The following PLCG2 variants were observed in gnomAD, a reference collection of about 807,000 sequenced individuals.
The protein encoded by PLCG2 is phospholipase C gamma 2, also known as 1-phosphatidylinositol 4,5-bisphosphate phosphodiesterase gamma-2.
A neutral mutation model predicts 175.6 loss-of-function variants in PLCG2; 69 were observed. The ratio of observed to expected loss-of-function variants is 0.39; its 90% CI spans 0.32 to 0.48. PLCG2 has a LOEUF of 0.48. PLCG2 is among the 20% of genes least tolerant of loss of function. PLCG2 has a pLI of 0.91. For missense variants in PLCG2, 1,798 were observed against 1,650.9 expected (o/e 1.09, Z -1.54); for synonymous variants, 827 against 624.0 (o/e 1.33, Z -4.85).
At chr16:81,910,800 AG>A in intron 18 of PLCG2, 80 bp downstream of exon 18, 8 of 1,331,176 alleles carry the variant, frequency 6.0e-6, no homozygotes, top group Non-Finnish European at 7.5e-6. Flanking sequence ...CTGGTGGTTC[AG>A]CCGGGCCAGT....
chr16:81,907,759 G>A lies in PLCG2; in HGVS notation c.1542G>A (p.Glu514=). Reference sequence around the variant, plus strand: ...GTGATGACATTGAACAGACTATGGAGGAGGAAGTGCCCCAGGTAGGGGGAC... The same window carrying A: ...GTGATGACATTGAACAGACTATGGAAGAGGAAGTGCCCCAGGTAGGGGGAC... ...SFSDDIEQTM[E]EEVPQDIPPT... The change falls in exon 16 of 33, where the codon GAG becomes GAA. Residue 514 remains glutamate (E), a synonymous_variant. Coordinates refer to ENST00000564138, the MANE Select transcript of PLCG2 (RefSeq NM_002661.5). The A allele has an allele frequency of 6.2e-7, 1 of 1,613,274 alleles. No homozygotes were observed. Among genetic ancestry groups the A allele is most frequent in the African/African-American group, 1.3e-5 (1 of 75,056 alleles).
chr16:81,947,308 C>G (rs1296148990), intron 31 of PLCG2, among the ~76,000 whole-genome samples: 5 of 152,166 alleles, frequency 3.3e-5, no homozygotes, highest in Admixed American at 1.3e-4. Context: ...TCGACGCTCA[C>G]AAATCTGCTT....
At chr16:81,785,766 A>T in intron 1 of PLCG2, 177 bp from the exon 2 acceptor site, 1 of 489,334 alleles carries the variant, frequency 2.0e-6, no homozygotes, top group East Asian at 3.7e-5. Flanking sequence ...TTCCATTTAA[A>T]CCTTTGTGTC....
chr16:81,875,845 G>A (rs764894079), intron 7 of PLCG2, among the ~76,000 whole-genome samples: 12 of 152,074 alleles, frequency 7.9e-5, no homozygotes, highest in Non-Finnish European at 1.6e-4. Context: ...TTATTCTGCC[G>A]GATTTTACAT....
chr16:81,857,363 C>T (rs1008046428), intron 3 of PLCG2, among the ~76,000 whole-genome samples: 1 of 152,186 alleles, frequency 6.6e-6, no homozygotes, highest in African/African-American at 2.4e-5. Context: ...AGTGTGCTGC[C>T]AGGGTAAGAT....
intron 2 of PLCG2, among the ~76,000 whole-genome samples, chr16:81,759,893 G>A (rs1048555772): frequency 7.2e-5 from 11 of 152,328 alleles, no homozygotes; most frequent in Admixed American, 6.5e-4. Context: ...TTGGGAGGCC[G>A]AGGCGGGCAG....
At chr16:81,874,948 G>GTGTT (rs1907695183) in intron 7 of PLCG2, among the ~76,000 whole-genome samples, 5 of 40,770 alleles carry the variant, frequency 1.2e-4, no homozygotes, top group African/African-American at 3.9e-4. Context: ...TATCCTATGT[G>GTGTT]TTTTTTTTTT....
intron 30 of PLCG2, among the ~76,000 whole-genome samples, chr16:81,945,577 G>C (rs1911117832): frequency 6.6e-6 from 1 of 152,210 alleles, no homozygotes. Context: ...TTACTGAATG[G>C]GGGTGGGGGA....
rs555099128 is a variant in PLCG2 at position 81,812,375 on chromosome 16, G to A, written c.193+26193G>A. ...GTTGTTTACTGACTTTTTAATGATC[G>A]TCATTCTAACTGGCATGAGATGGTA... On this transcript the variant is annotated intron_variant, in intron 2 of 32. Transcript: ENST00000564138. Among the ~76,000 whole-genome samples, 262 of 152,166 alleles carry A rather than the reference G, an allele frequency of 1.7e-3. 1 individual carries two copies. The highest frequency in any genetic ancestry group is 5.9e-3 in the African/African-American group (245 of 41,512).
intron 27 of PLCG2, 126 bp from the exon 28 acceptor site, chr16:81,937,632 A>G (rs1400972385): frequency 5.2e-6 from 4 of 763,764 alleles, no homozygotes; most frequent in Non-Finnish European, 8.4e-6. Context: ...TGAGATACCT[A>G]TTTGAACAGC....
chr16:81,919,409 A>C (rs1032103744), intron 19 of PLCG2, 75 bp from the exon 20 acceptor site: 2 of 1,163,036 alleles, frequency 1.7e-6, no homozygotes, highest in African/African-American at 1.5e-5. Flanking sequence ...GTTGTATCTA[A>C]TCAGTAGGGT....
At chr16:81,834,395 G>T (rs1479777209) in intron 2 of PLCG2, among the ~76,000 whole-genome samples, 1 of 152,116 alleles carries the variant, frequency 6.6e-6, no homozygotes, top group Admixed American at 6.5e-5. Flanking sequence ...CGGCGCGGGT[G>T]GTGTTGGAGA....
At chr16:81,758,518 A>T (rs946300511) in intron 2 of PLCG2, among the ~76,000 whole-genome samples, 1 of 152,154 alleles carries the variant, frequency 6.6e-6, no homozygotes, top group Non-Finnish European at 1.5e-5. Context: ...TTTACCTAGG[A>T]GTGGCCTTGC....
chr16:81,763,952 G>C (rs1435557100), intron 2 of PLCG2, among the ~76,000 whole-genome samples: 2 of 151,878 alleles, frequency 1.3e-5, no homozygotes, highest in Non-Finnish European at 2.9e-5. Context: ...GGGCGACAGA[G>C]AGACTCTGTC....
chr16:81,794,583 G>A (rs941869160), intron 2 of PLCG2, among the ~76,000 whole-genome samples: 6 of 152,152 alleles, frequency 3.9e-5, no homozygotes, highest in African/African-American at 1.4e-4. Context: ...GGTCTCTCAT[G>A]TCACCTCTTT....
At chr16:81,766,625 T>C (rs1428779386) in intron 2 of PLCG2, 1 of 152,416 alleles carries the variant, frequency 6.6e-6, no homozygotes, top group Non-Finnish European at 1.5e-5. Flanking sequence ...GGAAATGATC[T>C]TGTTTATGTG....
At chr16:81,888,939 G>A (rs150857242) in intron 9 of PLCG2, among the ~76,000 whole-genome samples, 16 of 152,254 alleles carry the variant, frequency 1.1e-4, no homozygotes, top group East Asian at 7.7e-4. Context: ...GACAGACACC[G>A]TATGGCTCAG....
upstream of PLCG2, among the ~76,000 whole-genome samples, chr16:81,778,286 C>T (rs1244574949): frequency 6.6e-6 from 1 of 152,020 alleles, no homozygotes; most frequent in East Asian, 1.9e-4. Flanking sequence ...AGGAGGATCG[C>T]TTGAGTCCCG....
intron 20 of PLCG2, among the ~76,000 whole-genome samples, chr16:81,920,774 T>C (rs945807520): frequency 1.3e-5 from 2 of 152,084 alleles, no homozygotes; most frequent in African/African-American, 4.8e-5. Context: ...CACTGGTTTG[T>C]AGCATTTGCC....
Sources: allele counts gnomAD v4.1 joint callset (sites outside exome capture counted in the v4.1 genomes callset), GRCh38; gene constraint gnomAD v4.1.1; transcripts MANE v1.5; gene names NCBI Gene and HGNC (gene_info 2026-07-23, HGNC 2026-07-21).